Variants in PEG3 observed in about 807,000 individuals in gnomAD.
PEG3 encodes the protein paternally expressed 3.
Under a neutral mutation model 35.5 loss-of-function variants are expected in PEG3, and 23 were observed. The ratio of observed to expected loss-of-function variants is 0.65; its 90% CI spans 0.47 to 0.92. The LOEUF (loss-of-function observed/expected upper bound fraction) is 0.92, where lower values mean the gene tolerates loss of function less well. Among genes scored for constraint, PEG3 ranks in the 40% least tolerant of loss-of-function variants. PEG3 has a pLI of 0.00. For missense variants in PEG3, 1,960 were observed against 1,985.3 expected (o/e 0.99, Z 0.24); for synonymous variants, 707 against 697.0 (o/e 1.01, Z -0.23).
rs754972475 is a variant in PEG3, at chr19:56,814,662, C to T, written c.3780G>A (p.Glu1260=). The change falls in exon 10 of 10, where the codon GAG becomes GAA. Residue 1260 remains glutamate (E), a synonymous_variant. Coordinates refer to ENST00000326441, the MANE Select transcript of PEG3 (RefSeq NM_006210.3). The surrounding 1 kb of genome is among the most constrained non-coding windows in gnomAD (Gnocchi z 5.8). ...GGGCTAAGCCTGGAATGATAGCTTC[C>T]TCAGCCATCTGGCTCTGCTCCAGTA... ...DDLLEQSQMA[E]EAIIPGLALT... 6.2e-7 allele frequency: 1 copy of T among 1,614,150 alleles called. No homozygotes were observed. Among genetic ancestry groups the T allele is most frequent in the Non-Finnish European group, 8.5e-7 (1 of 1,180,034 alleles).
rs545588800 is a variant in PEG3 at position 56,838,278 on chromosome 19, G to A, written c.-249-2174C>T. 1.9e-4 allele frequency among the ~76,000 whole-genome samples: 29 copies of A among 151,934 alleles called. 1 individual carries two copies. In the South Asian group the frequency reaches 5.6e-3, roughly 29 times the overall value. ...CCAGGCTCGGCAGCCCCTAGTCACT[G>A]AGAAAGCCCTCCCTCATGCCCGCCC... On this transcript the variant is annotated intron_variant, in intron 1 of 9. Coordinates refer to ENST00000326441, the MANE Select transcript of PEG3 (RefSeq NM_006210.3).
At position 56,814,818 on chromosome 19, in the gene PEG3, T is replaced by G. The variant is rs749828224; in HGVS notation, c.3624A>C (p.Pro1208=). 1 of 1,614,210 alleles carries G rather than the reference T, an allele frequency of 6.2e-7. No individual in the cohort carries two copies. Among genetic ancestry groups the G allele is most frequent in the Admixed American group, 1.7e-5 (1 of 60,032 alleles). The stretch of plus-strand genomic sequence containing the variant: ...TCCTCTCTGCAGCACGATTCCTCCG[T>G]GGCTTCATGGGCAAGAGGGCAATAA... ...DGFIALLPMK[P]RRNRAAERNP... The change falls in exon 10 of 10, where the codon CCA becomes CCC. Residue 1208 remains proline, a synonymous_variant. Coordinates refer to ENST00000326441, the MANE Select transcript of PEG3 (RefSeq NM_006210.3). The surrounding 1 kb of genome is among the most constrained non-coding windows in gnomAD (Gnocchi z 5.8).
intron 2 of PEG3, among the ~76,000 whole-genome samples, chr19:56,826,905 C>T (rs569277728): frequency 6.6e-6 from 1 of 152,270 alleles, no homozygotes; most frequent in South Asian, 2.1e-4. Context: ...ATTTCTCTCC[C>T]TAACAGACAT....
Position 56,816,887 on chromosome 19 carries a change from C to T in PEG3, c.1555G>A (p.Ala519Thr), listed in dbSNP as rs547030048. ...DCGETFNKSAALAEHRKIHAR... is the reference protein window; with the variant it reads ...DCGETFNKSATLAEHRKIHAR... ...TGAATCTTCCGATGTTCAGCCAAGG[C>T]GGCACTCTTATTGAAGGTCTCTCCA... is the stretch of plus-strand genomic sequence containing the variant. Residue 519 changes from alanine (A) to threonine (T), a missense_variant, in exon 10 of 10, where the codon GCC (alanine) becomes ACC (threonine). By Grantham distance (58) the Ala-to-Thr change is moderately conservative. Transcript: ENST00000326441. 5.0e-6 allele frequency: 8 copies of T among 1,613,972 alleles called. No individual in the cohort carries two copies. Among genetic ancestry groups the T allele is most frequent in the South Asian group, 2.2e-5 (2 of 91,090 alleles).
chr19:56,817,131 G>C lies in PEG3; in HGVS notation c.1311C>G (p.Pro437=), dbSNP rs200534773. ...CAATTGGCTGTGACTCGGTAAAGGA[G>C]GGGGAGCTGAGGCTGCTCAGGCTGC... ...SVSSLSSLSS[P]SFTESQPIDF... The change falls in exon 10 of 10, where the codon CCC becomes CCG. Residue 437 remains proline, a synonymous_variant. Coordinates refer to ENST00000326441, the MANE Select transcript of PEG3 (RefSeq NM_006210.3). 3 of 1,614,138 alleles carry C rather than the reference G, an allele frequency of 1.9e-6. No homozygotes were observed. The highest frequency in any genetic ancestry group is 2.5e-6 in the Non-Finnish European group (3 of 1,179,980).
At chr19:56,829,846 A>C (rs2061413364) in intron 2 of PEG3, among the ~76,000 whole-genome samples, 1 of 152,252 alleles carries the variant, frequency 6.6e-6, no homozygotes, top group Non-Finnish European at 1.5e-5. Flanking sequence ...CTGGCCAATC[A>C]AAAGCATAAC....
At position 56,812,373 on chromosome 19, in the gene PEG3, G is replaced by A. The variant is rs1003266405; in HGVS notation, c.*1302C>T. ...GATGTTAACAAAACAAATTAAGGCT[G>A]CTGGGGAACCTGAGTCCATGTTAAG... is the stretch of plus-strand genomic sequence containing the variant. On this transcript the variant is annotated 3_prime_UTR_variant, in exon 10 of 10. Coordinates refer to ENST00000326441, the MANE Select transcript of PEG3 (RefSeq NM_006210.3). 4.1e-6 allele frequency: 4 copies of A among 984,540 alleles called. No individual in the cohort carries two copies. The African/African-American group carries it at 7.0e-5, about 17-fold the overall frequency. 61.0% of individuals were successfully genotyped at this position (984,540 alleles called of 1,614,324 possible). A position where few individuals can be genotyped will look rare whatever the true frequency, so the allele number is the denominator to read the frequency against.
At position 56,815,860 on chromosome 19, in the gene PEG3, G is replaced by T; in HGVS notation, c.2582C>A (p.Ser861Tyr). 1 of 1,613,542 alleles carries T rather than the reference G, an allele frequency of 6.2e-7. No homozygotes were observed. Among genetic ancestry groups the T allele is most frequent in the Non-Finnish European group, 8.5e-7 (1 of 1,179,690 alleles). The change falls in exon 10 of 10, where the codon TCC (serine) becomes TAC (tyrosine). Residue 861 changes from serine (S) to tyrosine (Y), a missense_variant. Physicochemically the swap from Ser to Tyr is moderately radical, Grantham distance 144. Around this residue, in one of 5 missense-constraint regions of PEG3, gnomAD observed 798 missense variants for 782.4 expected, o/e 1.02. Transcript: ENST00000326441. ...ATTAAGGTCTGAGATATAAATGGAG[G>T]ATTCTCCCTTCTCATTAGATTCCAC... is the stretch of plus-strand genomic sequence containing the variant. Reference protein sequence around the residue: ...ELVESNEKGESSIYISDLNDK... With the variant: ...ELVESNEKGEYSIYISDLNDK...
chr19:56,814,287 C>G lies in PEG3; in HGVS notation c.4155G>C (p.Leu1385=), dbSNP rs756167154. 2 of 1,613,810 alleles carry G rather than the reference C, an allele frequency of 1.2e-6. No individual in the cohort carries two copies. The stretch of plus-strand genomic sequence containing the variant: ...CCTCTACGTTTAAGCCCTGAATCCT[C>G]AGAACTACTTGTGGAACATGGACAT... ...EANVHVPQVV[L]RIQGLNVEAA... is the part of the protein sequence containing the mutation. The change falls in exon 10 of 10, where the codon CTG becomes CTC. Residue 1385 remains leucine, a synonymous_variant. Transcript: ENST00000326441. The surrounding 1 kb of genome is among the most constrained non-coding windows in gnomAD (Gnocchi z 5.8).
rs1426208868 is a variant in PEG3 at position 56,813,964 on chromosome 19, C to T, written c.4478G>A (p.Gly1493Asp). The T allele has an allele frequency of 6.2e-7, 1 of 1,613,968 alleles. No individual in the cohort carries two copies. Among genetic ancestry groups the T allele is most frequent in the African/African-American group, 1.3e-5 (1 of 74,932 alleles). The stretch of plus-strand genomic sequence containing the variant: ...TTCTACCTGAATCTCTTGATCTTCA[C>T]CTTCTTCTGGGTCTTCAATTCCCAC... The part of the protein sequence containing the change: ...DGVGIEDPEE[G>D]EDQEIQVEEP... The change falls in exon 10 of 10, where the codon GGT becomes GAT. Residue 1493 changes from glycine to aspartate, a missense_variant. Coordinates refer to ENST00000326441, the MANE Select transcript of PEG3 (RefSeq NM_006210.3).
At position 56,812,322 on chromosome 19, in the gene PEG3, C is replaced by T; in HGVS notation, c.*1353G>A. 1 of 982,046 alleles carries T rather than the reference C, an allele frequency of 1.0e-6. No homozygotes were observed. The highest frequency in any genetic ancestry group is 1.2e-6 in the Non-Finnish European group (1 of 827,208). The allele number at this position is 982,046 out of a possible 1,614,324, so 60.8% of individuals were successfully genotyped here. ...GATGAACACAACACTCAGAAATACT[C>T]TAGGAGAGCTGAAAAAGAAGGAACA... On this transcript the variant is annotated 3_prime_UTR_variant, in exon 10 of 10. Transcript: ENST00000326441.
intron 7 of PEG3, among the ~76,000 whole-genome samples, chr19:56,820,803 C>A (rs2060411773): frequency 6.6e-6 from 1 of 152,218 alleles, no homozygotes; most frequent in African/African-American, 2.4e-5. Flanking sequence ...GGGCAGGGCC[C>A]CTCTCTGTGT....
chr19:56,829,309 G>A (rs886649467), intron 2 of PEG3, among the ~76,000 whole-genome samples: 33 of 141,908 alleles, frequency 2.3e-4, no homozygotes, highest in Middle Eastern at 4.3e-3. Flanking sequence ...GCACCACTGC[G>A]CTCCAGCCTG....
chr19:56,835,591 TCAAA>T (rs2062012624), intron 2 of PEG3, among the ~76,000 whole-genome samples: 1 of 152,188 alleles, frequency 6.6e-6, no homozygotes, highest in African/African-American at 2.4e-5. Flanking sequence ...AAAGTATAAA[TCAAA>T]CAATTATGTT....
Position 56,810,865 on chromosome 19 carries a change from G to A in PEG3, c.*2810C>T. 1 of 965,602 alleles carries A rather than the reference G, an allele frequency of 1.0e-6. No homozygotes were observed. 59.8% of individuals were successfully genotyped at this position (965,602 alleles called of 1,614,324 possible). A position where few individuals can be genotyped will look rare whatever the true frequency, so the allele number is the denominator to read the frequency against. On this transcript the variant is annotated 3_prime_UTR_variant, in exon 10 of 10. Transcript: ENST00000326441. ...TACTTTATTTTCTAATTTTTCCTCT[G>A]GGTATGTATTATGCACACCAATGGA...
chr19:56,814,123 T>C lies in PEG3; in HGVS notation c.4319A>G (p.Asn1440Ser). The C allele has an allele frequency of 6.2e-7, 1 of 1,614,184 alleles. No homozygotes were observed. The highest frequency in any genetic ancestry group is 1.1e-5 in the South Asian group (1 of 91,080). ...AEPIGEAGQP[N>S]GEAEQPNGDA... is the part of the protein sequence containing the mutation. ...CCCATTTGGCTGCTCGGCCTCTCCA[T>C]TTGGCTGTCCAGCCTCTCCAATGGG... The change falls in exon 10 of 10, where the codon AAT (asparagine) becomes AGT (serine). Residue 1440 changes from asparagine (N) to serine (S), a missense_variant. Transcript: ENST00000326441. The surrounding 1 kb of genome is among the most constrained non-coding windows in gnomAD (Gnocchi z 5.8).
chr19:56,815,327 A>G lies in PEG3; in HGVS notation c.3115T>C (p.Phe1039Leu), dbSNP rs1175560452. Reference protein sequence around the residue: ...ARNKCKDFRQFFATSEDLNTN... With the variant: ...ARNKCKDFRQLFATSEDLNTN... ...TTGAGGTCTTCGCTGGTAGCAAAAA[A>G]TTGTCTGAAGTCCTTACATTTGTTC... Residue 1039 changes from phenylalanine to leucine, a missense_variant, in exon 10 of 10, where the codon TTT (phenylalanine) becomes CTT (leucine). Physicochemically the swap from Phe to Leu is conservative, Grantham distance 22. Coordinates refer to ENST00000326441, the MANE Select transcript of PEG3 (RefSeq NM_006210.3). The G allele has an allele frequency of 6.2e-7, 1 of 1,614,216 alleles. No individual in the cohort carries two copies. Among genetic ancestry groups the G allele is most frequent in the Non-Finnish European group, 8.5e-7 (1 of 1,180,028 alleles).
chr19:56,814,073 C>T lies in PEG3; in HGVS notation c.4369G>A (p.Gly1457Ser). ...GCTCTTTCTTCTGGGTCTTCAATAC[C>T]TGCACCATCTGGCTCATCAGCATCC... ...NGDADEPDGA[G>S]IEDPEERAEE... The change falls in exon 10 of 10, where the codon GGT (glycine) becomes AGT (serine). Residue 1457 changes from glycine (G) to serine (S), a missense_variant. By Grantham distance (56) the Gly-to-Ser change is moderately conservative. Transcript: ENST00000326441. The surrounding 1 kb of genome is among the most constrained non-coding windows in gnomAD (Gnocchi z 5.8). The T allele has an allele frequency of 3.1e-6, 5 of 1,614,170 alleles. No individual in the cohort carries two copies. The highest frequency in any genetic ancestry group is 4.2e-6 in the Non-Finnish European group (5 of 1,180,036).
Position 56,817,510 on chromosome 19 carries a change from T to C in PEG3, c.932A>G (p.His311Arg), listed in dbSNP as rs755421251. 3.1e-6 allele frequency: 5 copies of C among 1,610,214 alleles called. No homozygotes were observed. Among genetic ancestry groups the C allele is most frequent in the Non-Finnish European group, 4.2e-6 (5 of 1,177,476 alleles). Reference sequence around the variant, plus strand: ...GATGAATTTTTCCATTATCACTCCGTGGGAAGATTCATCTTCACAAATCCC... The same window carrying C: ...GATGAATTTTTCCATTATCACTCCGCGGGAAGATTCATCTTCACAAATCCC... ...RRGICEDESS[H>R]GVIMEKFIKD... Residue 311 changes from histidine (H) to arginine (R), a missense_variant, in exon 10 of 10, where the codon CAC becomes CGC. By Grantham distance (29) the His-to-Arg change is conservative. This residue lies in a region of PEG3 where 613 missense variants were observed against 577.1 expected (regional missense o/e 1.06). Transcript: ENST00000326441.
Sources: allele counts gnomAD v4.1 joint callset (sites outside exome capture counted in the v4.1 genomes callset), GRCh38; gene constraint gnomAD v4.1.1; regional missense constraint gnomAD v4.1.1; non-coding constraint Gnocchi (gnomAD v3.1); transcripts MANE v1.5; gene names NCBI Gene and HGNC (gene_info 2026-07-23, HGNC 2026-07-21).